The following MAP3K5 variants were observed in gnomAD, a reference collection of about 807,000 sequenced individuals.
MAP3K5 encodes mitogen-activated protein kinase kinase kinase 5.
In MAP3K5, 56 loss-of-function variants were observed where a neutral mutation model predicts 158.7. The observed-to-expected ratio is 0.35, with a 90% CI of 0.28 to 0.44. The LOEUF is 0.44. MAP3K5 is among the 20% of genes least tolerant of loss of function. MAP3K5 has a pLI of 1.00. For missense variants in MAP3K5, 1,294 were observed against 1,674.8 expected (o/e 0.77, Z 3.97); for synonymous variants, 579 against 601.7 (o/e 0.96, Z 0.55).
At chr6:136,593,313 T>C (rs1775477774) in intron 21 of MAP3K5, among the ~76,000 whole-genome samples, 1 of 152,236 alleles carries the variant, frequency 6.6e-6, no homozygotes, top group African/African-American at 2.4e-5. Flanking sequence ...GAGTTGCCTA[T>C]ATTTCCTCAA....
chr6:136,714,255 AG>A (rs1168567530), intron 2 of MAP3K5, among the ~76,000 whole-genome samples: 4 of 152,218 alleles, frequency 2.6e-5, no homozygotes, highest in Non-Finnish European at 4.4e-5. Flanking sequence ...TTTAAGTGTG[AG>A]GTATTTGTAA....
At chr6:136,645,903 A>T (rs1778231447) in intron 11 of MAP3K5, among the ~76,000 whole-genome samples, 2 of 152,162 alleles carry the variant, frequency 1.3e-5, no homozygotes, top group South Asian at 4.1e-4. Flanking sequence ...TTTTAGGAAA[A>T]ATTTTTAAAC....
chr6:136,623,217 T>C (rs1219973581), intron 14 of MAP3K5, among the ~76,000 whole-genome samples: 2 of 152,240 alleles, frequency 1.3e-5, no homozygotes, highest in Admixed American at 1.3e-4. Context: ...GTTAACTTCA[T>C]AGAATTGCTT....
intron 7 of MAP3K5, among the ~76,000 whole-genome samples, chr6:136,678,311 G>C (rs1421943026): frequency 2.6e-5 from 4 of 151,922 alleles, no homozygotes; most frequent in Non-Finnish European, 5.9e-5. Context: ...AGAAAAAAAT[G>C]GTATTTTTCA....
rs190790547 is a variant in MAP3K5, at chr6:136,693,114, A to G, written c.1253+1026T>C. 3.3e-5 allele frequency among the ~76,000 whole-genome samples: 5 copies of G among 152,102 alleles called. No individual in the cohort carries two copies. In the East Asian group the frequency reaches 9.6e-4, roughly 29 times the overall value. ...TGGCTTAAAATGGGGATAGAACTTT[A>G]TTTTATTTTTCCAAGCAGATAAAGA... On this transcript the variant is annotated intron_variant, in intron 7 of 29. Transcript: ENST00000359015.
intron 19 of MAP3K5, among the ~76,000 whole-genome samples, chr6:136,602,796 T>G (rs1775934895): frequency 6.6e-6 from 1 of 152,238 alleles, no homozygotes; most frequent in Non-Finnish European, 1.5e-5. Flanking sequence ...ATCTGGGATT[T>G]GAACCTGAAT....
chr6:136,599,782 C>A (rs1055490616), intron 21 of MAP3K5, among the ~76,000 whole-genome samples: 5 of 152,130 alleles, frequency 3.3e-5, no homozygotes, highest in African/African-American at 1.2e-4. Flanking sequence ...GGGATCAGAA[C>A]CCACTTCTGT....
intron 8 of MAP3K5, among the ~76,000 whole-genome samples, chr6:136,664,387 C>A (rs1779138106): frequency 6.6e-6 from 1 of 152,020 alleles, no homozygotes; most frequent in Non-Finnish European, 1.5e-5. Flanking sequence ...TATTACAATG[C>A]AATAGAAATA....
chr6:136,669,422 T>C, intron 7 of MAP3K5, 27 bp from the exon 8 acceptor site: 1 of 1,326,304 alleles, frequency 7.5e-7, no homozygotes, highest in Middle Eastern at 1.9e-4. Context: ...ATGTACAAGT[T>C]AACTTTCTCA....
Position 136,592,259 on chromosome 6 carries a change from C to T in MAP3K5, c.3139G>A (p.Asp1047Asn). The change falls in exon 23 of 30, where the codon GAC becomes AAC. Residue 1047 changes from aspartate to asparagine, a missense_variant. Physicochemically the swap from Asp to Asn is conservative, Grantham distance 23. Around this residue, in one of 5 missense-constraint regions of MAP3K5, gnomAD observed 362 missense variants for 463.2 expected, o/e 0.78. Coordinates refer to ENST00000359015, the MANE Select transcript of MAP3K5 (RefSeq NM_005923.4). The part of the protein sequence containing the change: ...KDSGFFMLRK[D>N]SERRATLHRI... ...TGAAGGGTAGCTCGCCTCTCACTGT[C>T]CTTCCTCAGCATGAAGAATCCAGAA... 1 of 1,612,144 alleles carries T rather than the reference C, an allele frequency of 6.2e-7. No individual in the cohort carries two copies. The highest frequency in any genetic ancestry group is 8.5e-7 in the Non-Finnish European group (1 of 1,179,218).
At chr6:136,741,085 G>A (rs1000661649) in intron 1 of MAP3K5, among the ~76,000 whole-genome samples, 2 of 152,128 alleles carry the variant, frequency 1.3e-5, no homozygotes, top group African/African-American at 4.8e-5. Context: ...GACCATGACA[G>A]TAGCAATGTG....
intron 1 of MAP3K5, among the ~76,000 whole-genome samples, chr6:136,747,388 T>A (rs2114906126): frequency 6.6e-6 from 1 of 152,344 alleles, no homozygotes; most frequent in South Asian, 2.1e-4. Context: ...GTACGGGTGC[T>A]GTCTAGATAC....
At chr6:136,608,599 ATAAT>A (rs1221848788) in intron 18 of MAP3K5, among the ~76,000 whole-genome samples, 1 of 152,088 alleles carries the variant, frequency 6.6e-6, no homozygotes, top group East Asian at 1.9e-4. Flanking sequence ...TTGGGAGAAG[ATAAT>A]TAATTCCCTT....
intron 1 of MAP3K5, among the ~76,000 whole-genome samples, chr6:136,766,214 T>C (rs1296673406): frequency 1.3e-5 from 2 of 152,210 alleles, no homozygotes; most frequent in African/African-American, 2.4e-5. Flanking sequence ...AGCCTACAAA[T>C]CTGCACCAAC....
At chr6:136,658,282 TTTTC>T (rs1177667760) in intron 9 of MAP3K5, among the ~76,000 whole-genome samples, 1 of 147,586 alleles carries the variant, frequency 6.8e-6, no homozygotes, top group Non-Finnish European at 1.5e-5. Context: ...TAAAAATTCT[TTTTC>T]TTTTTCTTTT....
Position 136,791,712 on chromosome 6 carries a change from G to C in MAP3K5, c.446C>G (p.Ala149Gly). 6.2e-7 allele frequency: 1 copy of C among 1,613,126 alleles called. No individual in the cohort carries two copies. Among genetic ancestry groups the C allele is most frequent in the Non-Finnish European group, 8.5e-7 (1 of 1,179,982 alleles). Residue 149 changes from alanine (A) to glycine (G), a missense_variant and splice_region_variant, in exon 1 of 30, where the codon GCA (alanine) becomes GGA (glycine). By Grantham distance (60) the Ala-to-Gly change is moderately conservative. This residue lies in a region of MAP3K5 where 690 missense variants were observed against 870.5 expected (regional missense o/e 0.79). Coordinates refer to ENST00000359015, the MANE Select transcript of MAP3K5 (RefSeq NM_005923.4). ...ETTVLDRFYN[A>G]DIAVVEMSDA... ...TGGGAAAGGGGTCACACACGCACCT[G>C]CATTGTAAAAGCGGTCCAGCACGGT...
chr6:136,572,283 G>C (rs1016771840), intron 25 of MAP3K5, among the ~76,000 whole-genome samples: 2 of 151,748 alleles, frequency 1.3e-5, no homozygotes, highest in Non-Finnish European at 2.9e-5. Context: ...TTTAAGACGG[G>C]GTTTTGCTCT....
intron 13 of MAP3K5, among the ~76,000 whole-genome samples, chr6:136,638,671 T>TC (rs1451723575): frequency 6.6e-6 from 1 of 151,136 alleles, no homozygotes; most frequent in Non-Finnish European, 1.5e-5. Flanking sequence ...TGTTTTTTTT[T>TC]CCCCCACCAT....
At chr6:136,703,610 C>T (rs1156700457) in intron 3 of MAP3K5, among the ~76,000 whole-genome samples, 1 of 152,116 alleles carries the variant, frequency 6.6e-6, no homozygotes, top group African/African-American at 2.4e-5. Flanking sequence ...AGTTTCACAC[C>T]TTTAACAAAT....
Sources: gnomAD v4.1 joint callset for allele counts (sites outside exome capture counted in the v4.1 genomes callset) on GRCh38, gnomAD v4.1.1 for gene constraint, gnomAD v4.1.1 regional missense constraint, MANE v1.5 for transcripts, NCBI Gene and HGNC (gene_info 2026-07-23, HGNC 2026-07-21) for gene names.